Variants in ZNF836 observed in about 807,000 individuals in gnomAD.
ZNF836 encodes the protein zinc finger protein 836.
ZNF836 carries 12 observed loss-of-function variants against 7.4 expected under a neutral mutation model. The ratio of observed to expected loss-of-function variants is 1.61; its 90% CI spans 1.03 to 2.61. The LOEUF (loss-of-function observed/expected upper bound fraction) is 2.61. Among genes scored for constraint, ZNF836 ranks in the 30% most tolerant of loss-of-function variants. The pLI, the probability that ZNF836 is intolerant of heterozygous loss-of-function variation, is 0.00. For synonymous variants in ZNF836, 365 were observed against 382.6 expected, an observed-to-expected ratio of 0.95 and a Z score of 0.54; for missense variants, 998 against 1,126.2, an observed-to-expected ratio of 0.89 and a Z score of 1.63.
intron 2 of ZNF836, among the ~76,000 whole-genome samples, chr19:52,168,405 C>T (rs986462012): frequency 3.3e-5 from 5 of 152,170 alleles, no homozygotes; most frequent in African/African-American, 9.6e-5. Context: ...CTGGCCAACA[C>T]AGTGAAACCC....
At chr19:52,160,186 TAAAAAA>T (rs35190507) in intron 4 of ZNF836, 28 of 369,850 alleles carry the variant, frequency 7.6e-5, no homozygotes, top group Middle Eastern at 7.0e-4. Context: ...CTGTCTCCAT[TAAAAAA>T]AAAAAAAAAA....
intron 1 of ZNF836, among the ~76,000 whole-genome samples, chr19:52,170,774 C>T (rs1033669591): frequency 6.6e-6 from 1 of 152,198 alleles, no homozygotes; most frequent in African/African-American, 2.4e-5. Context: ...TGCTCCGTCG[C>T]TCCCCTTCTT....
Position 52,155,006 on chromosome 19 carries a change from T to G in ZNF836, c.2677A>C (p.Asn893His). The G allele has an allele frequency of 6.2e-7, 1 of 1,613,900 alleles. No individual in the cohort carries two copies. The highest frequency in any genetic ancestry group is 8.5e-7 in the Non-Finnish European group (1 of 1,179,834). The change falls in exon 5 of 5, where the codon AAT becomes CAT. Residue 893 changes from asparagine (N) to histidine (H), a missense_variant. Transcript: ENST00000682614. ...CTAATGAAAGATTTGCCACACTCAT[T>G]ACATTTATAAGGTTTTTCTCCAGAA... ...IHSGEKPYKC[N>H]ECGKSFISRS...
chr19:52,166,831 G>A (rs985190868), intron 3 of ZNF836, among the ~76,000 whole-genome samples: 3 of 150,410 alleles, frequency 2.0e-5, no homozygotes, highest in African/African-American at 4.9e-5. Context: ...CGCCCGCCTC[G>A]GCCTCCCAAA....
chr19:52,160,644 C>A, intron 3 of ZNF836, 53 bp from the exon 4 acceptor site: 2 of 1,539,224 alleles, frequency 1.3e-6, no homozygotes, highest in Non-Finnish European at 1.7e-6. Flanking sequence ...CTTATCTATA[C>A]ATAAAATGAG....
chr19:52,162,062 C>T (rs1238856815), intron 3 of ZNF836, among the ~76,000 whole-genome samples: 1 of 152,210 alleles, frequency 6.6e-6, no homozygotes, highest in Non-Finnish European at 1.5e-5. Flanking sequence ...CTCCGTGTCC[C>T]ACCTTCTAGA....
Position 52,154,759 on chromosome 19 carries a change from C to T in ZNF836, c.*113G>A, listed in dbSNP as rs1428732316. On this transcript the variant is annotated 3_prime_UTR_variant, in exon 5 of 5. Transcript: ENST00000682614. ...CTAAACCATTCTTGAGAAATCCACC[C>T]CTGTGATCCAATCATCTCCCACCAG... The T allele has an allele frequency of 5.2e-6, 5 of 963,142 alleles. No individual in the cohort carries two copies. Among genetic ancestry groups the T allele is most frequent in the Non-Finnish European group, 5.9e-6 (4 of 673,380 alleles). The allele number at this position is 963,142 out of a possible 1,614,324, so 59.7% of individuals were successfully genotyped here.
At chr19:52,168,184 G>A in intron 2 of ZNF836, 32 bp from the exon 3 acceptor site, 2 of 1,398,040 alleles carry the variant, frequency 1.4e-6, no homozygotes, top group Non-Finnish European at 2.0e-6. Context: ...TTTAATGCTT[G>A]GAAACAACAC....
intron 3 of ZNF836, among the ~76,000 whole-genome samples, chr19:52,167,140 C>A (rs1469283986): frequency 2.0e-5 from 3 of 151,562 alleles, no homozygotes; most frequent in Non-Finnish European, 1.5e-5. Flanking sequence ...GTGACAATGG[C>A]TAAAAGAATC....
Position 52,155,069 on chromosome 19 carries a change from C to T in ZNF836, c.2614G>A (p.Gly872Arg). The T allele has an allele frequency of 6.2e-7, 1 of 1,614,160 alleles. No homozygotes were observed. Among genetic ancestry groups the T allele is most frequent in the Non-Finnish European group, 8.5e-7 (1 of 1,180,016 alleles). Residue 872 changes from glycine to arginine, a missense_variant, in exon 5 of 5, where the codon GGG becomes AGG. By Grantham distance (125) the Gly-to-Arg change is moderately radical (BLOSUM62 -2). Transcript: ENST00000682614. ...TGTTTGTTGAGGCAAGAAAACCGCCCAAAGGCCTTGCCACATTCAATACAT... is the reference window on the plus strand; with the variant it reads ...TGTTTGTTGAGGCAAGAAAACCGCCTAAAGGCCTTGCCACATTCAATACAT... The part of the protein sequence containing the change: ...YKCIECGKAF[G>R]RFSCLNKHQM...
Position 52,155,113 on chromosome 19 carries a change from G to A in ZNF836, c.2570C>T (p.Thr857Ile). Residue 857 changes from threonine (T) to isoleucine (I), a missense_variant, in exon 5 of 5, where the codon ACT becomes ATT. Coordinates refer to ENST00000682614, the MANE Select transcript of ZNF836 (RefSeq NM_001102657.3). ...AATACATTTGTATGGCTTCTCTCCAGTGTGATTTCTTTGATGGTACACCAG... is the reference window on the plus strand; with the variant it reads ...AATACATTTGTATGGCTTCTCTCCAATGTGATTTCTTTGATGGTACACCAG... ...SKLVYHQRNH[T>I]GEKPYKCIEC... is the part of the protein sequence containing the mutation. 1 of 1,614,160 alleles carries A rather than the reference G, an allele frequency of 6.2e-7. No homozygotes were observed. The highest frequency in any genetic ancestry group is 8.5e-7 in the Non-Finnish European group (1 of 1,179,990).
At position 52,168,172 on chromosome 19, in the gene ZNF836, T is replaced by C; in HGVS notation, c.-80-20A>G. Reference sequence around the variant, plus strand: ...TCAAATCTGAAAGTGAAAAATCTGTTGTTTAATGCTTGGAAACAACACATT... The same window carrying C: ...TCAAATCTGAAAGTGAAAAATCTGTCGTTTAATGCTTGGAAACAACACATT... On this transcript the variant is annotated intron_variant, in intron 2 of 4. Coordinates refer to ENST00000682614, the MANE Select transcript of ZNF836 (RefSeq NM_001102657.3). 2.0e-6 allele frequency: 3 copies of C among 1,496,126 alleles called. No individual in the cohort carries two copies. Among genetic ancestry groups the C allele is most frequent in the Non-Finnish European group, 2.7e-6 (3 of 1,104,196 alleles). 92.7% of individuals were successfully genotyped at this position (1,496,126 alleles called of 1,614,324 possible).
chr19:52,165,840 T>C (rs1202762839), intron 3 of ZNF836, among the ~76,000 whole-genome samples: 2 of 152,242 alleles, frequency 1.3e-5, no homozygotes, highest in African/African-American at 4.8e-5. Flanking sequence ...TGATAACTCT[T>C]TGCATTTCCA....
rs1600141024 is a variant in ZNF836, at chr19:52,161,612, T to C, written c.16-1021A>G. ...GCCACGACTCATAACATTTAAAGAT[T>C]AGGCACTGGGGATTAAGTTTCAACA... On this transcript the variant is annotated intron_variant, in intron 3 of 4. Coordinates refer to ENST00000682614, the MANE Select transcript of ZNF836 (RefSeq NM_001102657.3). This position sits in a 1 kb window ranked among gnomAD's most constrained non-coding sequence, Gnocchi z 4.1. Among the ~76,000 whole-genome samples, 1 of 151,184 alleles carries C rather than the reference T, an allele frequency of 6.6e-6. No homozygotes were observed. The highest frequency in any genetic ancestry group is 1.9e-4 in the East Asian group (1 of 5,130).
At chr19:52,169,516 T>C (rs1235649827) in intron 2 of ZNF836, 132 bp downstream of exon 2, 1 of 152,068 alleles carries the variant, frequency 6.6e-6, no homozygotes, top group Admixed American at 6.6e-5. Flanking sequence ...GAGGCGGAGA[T>C]TGCAGTGAGC....
chr19:52,164,116 T>C (rs1052945944), intron 3 of ZNF836, among the ~76,000 whole-genome samples: 7 of 148,840 alleles, frequency 4.7e-5, no homozygotes, highest in South Asian at 4.3e-4. Context: ...AATGGCCGGG[T>C]GCAGTGGCTC....
In ZNF836 at chr19:52,162,539, C is replaced by G. The variant is rs76799675; in HGVS notation, c.16-1948G>C. On this transcript the variant is annotated intron_variant, in intron 3 of 4. Transcript: ENST00000682614. ...GTGGACTGAACAAAGCGGGTGAACG[C>G]GGGAATAAAAGAAAAAGACAAGAGA... is the stretch of plus-strand genomic sequence containing the variant. 6.0e-3 allele frequency among the ~76,000 whole-genome samples: 915 copies of G among 152,188 alleles called. 14 individuals are homozygous for G. The highest frequency in any genetic ancestry group is 0.021 in the African/African-American group (885 of 41,500).
chr19:52,160,524 A>T lies in ZNF836; in HGVS notation c.83T>A (p.Val28Glu). The T allele has an allele frequency of 6.2e-7, 1 of 1,614,172 alleles. No individual in the cohort carries two copies. The highest frequency in any genetic ancestry group is 8.5e-7 in the Non-Finnish European group (1 of 1,180,016). ...SQEEWKSLDP[V>E]QKALYWDVML... ...CACATCCCAGTACAAAGCTTTCTGC[A>T]CAGGGTCCAGGGATTTCCACTCCTC... The change falls in exon 4 of 5, where the codon GTG (valine) becomes GAG (glutamate). Residue 28 changes from valine to glutamate, a missense_variant. Transcript: ENST00000682614.
intron 1 of ZNF836, among the ~76,000 whole-genome samples, chr19:52,170,779 C>T (rs576460503): frequency 8.8e-4 from 134 of 152,300 alleles, no homozygotes; most frequent in African/African-American, 3.1e-3. Context: ...CGTCGCTCCC[C>T]TTCTTTTCCT....
Sources: allele counts gnomAD v4.1 joint callset (sites outside exome capture counted in the v4.1 genomes callset), GRCh38; gene constraint gnomAD v4.1.1; non-coding constraint Gnocchi (gnomAD v3.1); transcripts MANE v1.5; gene names NCBI Gene and HGNC (gene_info 2026-07-23, HGNC 2026-07-21).